Variants in LRRTM3 observed in about 807,000 individuals in gnomAD.
LRRTM3 encodes the protein leucine rich repeat transmembrane neuronal 3, also known as leucine-rich repeat transmembrane neuronal protein 3.
In LRRTM3, 24 loss-of-function variants were observed where a neutral mutation model predicts 44.7. The observed-to-expected ratio is 0.54, with a 90% CI of 0.39 to 0.76. The LOEUF (loss-of-function observed/expected upper bound fraction) is 0.76. Among genes scored for constraint, LRRTM3 ranks in the 30% least tolerant of loss-of-function variants. LRRTM3 has a pLI of 0.00. For synonymous variants in LRRTM3, 277 were observed against 278.7 expected, an observed-to-expected ratio of 0.99 and a Z score of 0.06; for missense variants, 587 against 702.2, an observed-to-expected ratio of 0.84 and a Z score of 1.85.
rs961397797 is a variant in LRRTM3, at chr10:67,098,354, C to T, written c.*558C>T. 3 of 152,240 alleles carry T rather than the reference C, an allele frequency of 2.0e-5. No homozygotes were observed. Among genetic ancestry groups the T allele is most frequent in the Non-Finnish European group, 4.4e-5 (3 of 67,950 alleles). 9.4% of individuals were successfully genotyped at this position (152,240 alleles called of 1,614,324 possible). ...TGCACGATTTTTATTATGCTTACTG[C>T]GTAGAATTTTATCTACTTGTTCCAG... On this transcript the variant is annotated 3_prime_UTR_variant, in exon 3 of 3. Coordinates refer to ENST00000361320, the MANE Select transcript of LRRTM3 (RefSeq NM_178011.5).
At chr10:67,070,882 T>A (rs1167940822) in intron 2 of LRRTM3, among the ~76,000 whole-genome samples, 1 of 152,224 alleles carries the variant, frequency 6.6e-6, no homozygotes, top group Non-Finnish European at 1.5e-5. Context: ...AACTTTTCTC[T>A]GCATTAATCA....
chr10:67,004,426 G>A (rs1851858192), intron 2 of LRRTM3, among the ~76,000 whole-genome samples: 1 of 152,222 alleles, frequency 6.6e-6, no homozygotes, highest in Non-Finnish European at 1.5e-5. Context: ...GATGACACAT[G>A]TAAGGACAGC....
At chr10:67,043,081 C>CTGGGGAGT (rs1854504609) in intron 2 of LRRTM3, among the ~76,000 whole-genome samples, 2 of 151,030 alleles carry the variant, frequency 1.3e-5, no homozygotes, top group African/African-American at 4.9e-5. Context: ...AAATTACCTG[C>CTGGGGAGT]AGGTGTGAGG....
At chr10:66,969,360 G>C (rs1057499030) in intron 2 of LRRTM3, among the ~76,000 whole-genome samples, 1 of 151,876 alleles carries the variant, frequency 6.6e-6, no homozygotes, top group African/African-American at 2.4e-5. Flanking sequence ...GAGTTTTAAT[G>C]GCCTCATATC....
At chr10:66,972,927 A>G (rs1178448550) in intron 2 of LRRTM3, among the ~76,000 whole-genome samples, 1 of 151,992 alleles carries the variant, frequency 6.6e-6, no homozygotes, top group African/African-American at 2.4e-5. Flanking sequence ...GACAAGTTTC[A>G]TAGATTAAAA....
intron 2 of LRRTM3, among the ~76,000 whole-genome samples, chr10:66,965,089 T>C (rs1217087169): frequency 2.6e-5 from 4 of 152,160 alleles, no homozygotes; most frequent in Admixed American, 2.0e-4. Context: ...GCTTCCACTC[T>C]GTGAGGGCCA....
chr10:67,007,071 C>T (rs894913704), intron 2 of LRRTM3, among the ~76,000 whole-genome samples: 1 of 152,182 alleles, frequency 6.6e-6, no homozygotes, highest in Non-Finnish European at 1.5e-5. Context: ...GCTGGGATTA[C>T]AGGCGTGAGC....
At chr10:66,936,233 G>C (rs1423623755) in intron 2 of LRRTM3, among the ~76,000 whole-genome samples, 1 of 152,022 alleles carries the variant, frequency 6.6e-6, no homozygotes, top group African/African-American at 2.4e-5. Context: ...TAAAATGCAA[G>C]AGCATTAAGC....
intron 2 of LRRTM3, among the ~76,000 whole-genome samples, chr10:67,073,448 T>C (rs563663157): frequency 2.6e-5 from 4 of 152,300 alleles, no homozygotes; most frequent in Non-Finnish European, 4.4e-5. Context: ...TAAACTTCTA[T>C]TTTATGTTTA....
intron 2 of LRRTM3, among the ~76,000 whole-genome samples, chr10:66,929,957 A>C (rs1383892271): frequency 1.3e-5 from 2 of 152,196 alleles, no homozygotes; most frequent in Non-Finnish European, 2.9e-5. Flanking sequence ...TGTTTCATTT[A>C]ATTTGGCTTG....
At position 66,928,225 on chromosome 10, in the gene LRRTM3, G is replaced by A; in HGVS notation, c.1309G>A (p.Val437Ile). 1 of 1,614,122 alleles carries A rather than the reference G, an allele frequency of 6.2e-7. No homozygotes were observed. Among genetic ancestry groups the A allele is most frequent in the Admixed American group, 1.7e-5 (1 of 60,020 alleles). ...CCTGTCCGTGCTCGTCATCCTGCTG[G>A]TTATCTACGTGTCATGGAAGCGGTA... is the stretch of plus-strand genomic sequence containing the variant. ...LFLSVLVILL[V>I]IYVSWKRYPA... The change falls in exon 2 of 3, where the codon GTT becomes ATT. Residue 437 changes from valine to isoleucine, a missense_variant. Transcript: ENST00000361320.
In LRRTM3 at chr10:66,928,466, T is replaced by C. The variant is rs1034508790; in HGVS notation, c.1536+14T>C. The C allele has an allele frequency of 1.7e-5, 27 of 1,569,266 alleles. No homozygotes were observed. The highest frequency in any genetic ancestry group is 2.8e-5 in the African/African-American group (2 of 72,668). Reference sequence around the variant, plus strand: ...AGGGAGTGTGAGGTATGAACCATTGTGATAAAAAGAGCTCTTAAAAGCTGG... The same window carrying C: ...AGGGAGTGTGAGGTATGAACCATTGCGATAAAAAGAGCTCTTAAAAGCTGG... On this transcript the variant is annotated intron_variant, in intron 2 of 2. Coordinates refer to ENST00000361320, the MANE Select transcript of LRRTM3 (RefSeq NM_178011.5).
At chr10:66,951,481 T>C (rs1269121295) in intron 2 of LRRTM3, among the ~76,000 whole-genome samples, 1 of 152,194 alleles carries the variant, frequency 6.6e-6, no homozygotes, top group African/African-American at 2.4e-5. Context: ...CCCTAACGTA[T>C]TTAATTCTTA....
chr10:67,094,926 TCCAAAACTGATGTATCA>T (rs980228709), intron 2 of LRRTM3, among the ~76,000 whole-genome samples: 37 of 151,598 alleles, frequency 2.4e-4, no homozygotes, highest in Non-Finnish European at 7.4e-5. Context: ...GTAAAAGTGG[TCCAAAACTGATGTATCA>T]CCAAAATTTG....
chr10:66,952,757 C>T (rs1848598689), intron 2 of LRRTM3, among the ~76,000 whole-genome samples: 1 of 151,856 alleles, frequency 6.6e-6, no homozygotes, highest in Admixed American at 6.6e-5. Context: ...GACTCTTCTG[C>T]TTGGTTAGTG....
intron 2 of LRRTM3, among the ~76,000 whole-genome samples, chr10:67,079,701 A>G (rs1016902794): frequency 2.6e-5 from 4 of 152,114 alleles, no homozygotes; most frequent in Admixed American, 2.6e-4. Context: ...TGCAAAAACT[A>G]GCCAGGCGTG....
intron 2 of LRRTM3, among the ~76,000 whole-genome samples, chr10:66,978,571 A>ATATATATATATATATATAT (rs1850220512): frequency 7.4e-6 from 1 of 136,004 alleles, no homozygotes; most frequent in African/African-American, 2.7e-5. Context: ...ATATATATAT[A>ATATATATATATATATATAT]GTATGGTGTA....
At chr10:66,967,453 T>C (rs1038431192) in intron 2 of LRRTM3, among the ~76,000 whole-genome samples, 3 of 151,836 alleles carry the variant, frequency 2.0e-5, no homozygotes, top group African/African-American at 7.3e-5. Context: ...GAATTACAAT[T>C]AATTAATCAA....
chr10:66,978,542 A>AAAATAAAAATAAAAAAAAT lies in LRRTM3; in HGVS notation c.1536+50093_1536+50094insTAAAAATAAAAAAAATAAA, dbSNP rs1554890298. ...ACTCCATCTCAAAAAAAAAAAAAAA[A>AAAATAAAAATAAAAAAAAT]AAAAAAAAAAATATATATATATATA... On this transcript the variant is annotated intron_variant, in intron 2 of 2. Coordinates refer to ENST00000361320, the MANE Select transcript of LRRTM3 (RefSeq NM_178011.5). Among the ~76,000 whole-genome samples, 6 of 68,636 alleles carry AAAATAAAAATAAAAAAAAT rather than the reference A, an allele frequency of 8.7e-5. 2 individuals carry two copies. Among genetic ancestry groups the AAAATAAAAATAAAAAAAAT allele is most frequent in the Non-Finnish European group, 1.0e-4 (3 of 29,240 alleles). The allele number at this position is 68,636 out of a possible 152,430, so 45.0% of individuals were successfully genotyped here.
Sources: gnomAD v4.1 joint callset for allele counts (sites outside exome capture counted in the v4.1 genomes callset) on GRCh38, gnomAD v4.1.1 for gene constraint, MANE v1.5 for transcripts, NCBI Gene and HGNC (gene_info 2026-07-23, HGNC 2026-07-21) for gene names.